FHIT: variants seen among roughly 807,000 people sequenced by gnomAD.
FHIT encodes fragile histidine triad diadenosine triphosphatase, also known as bis(5'-adenosyl)-triphosphatase.
In FHIT, 19 loss-of-function variants were observed where a neutral mutation model predicts 17.9. The ratio of observed to expected loss-of-function variants is 1.06; its 90% CI spans 0.74 to 1.56. The LOEUF is 1.56. Among genes scored for constraint, FHIT ranks in the 40% most tolerant of loss-of-function variants. FHIT has a pLI of 0.00. For missense variants in FHIT, 248 were observed against 189.2 expected (o/e 1.31, Z -1.82); for synonymous variants, 81 against 69.7 (o/e 1.16, Z -0.81).
chr3:60,978,959 C>A (rs1225939533), intron 3 of FHIT, among the ~76,000 whole-genome samples: 1 of 152,178 alleles, frequency 6.6e-6, no homozygotes, highest in Non-Finnish European at 1.5e-5. Flanking sequence ...TCCAGAAATT[C>A]ATTCTCTGAT....
intron 5 of FHIT, among the ~76,000 whole-genome samples, chr3:60,325,660 CTACAG>C: frequency 6.6e-6 from 1 of 152,102 alleles, no homozygotes; most frequent in South Asian, 2.1e-4. Context: ...AGCTAAATTT[CTACAG>C]TACAAGACAT....
chr3:60,702,823 G>A (rs1488280624), intron 4 of FHIT, among the ~76,000 whole-genome samples: 1 of 152,072 alleles, frequency 6.6e-6, no homozygotes, highest in Non-Finnish European at 1.5e-5. Flanking sequence ...ATATTTTACT[G>A]TTTAATGTAA....
chr3:60,264,768 G>A (rs1706484789), intron 5 of FHIT, among the ~76,000 whole-genome samples: 1 of 151,834 alleles, frequency 6.6e-6, no homozygotes. Flanking sequence ...TCAAAACCAT[G>A]TACTCATTAA....
chr3:59,899,194 G>A (rs1442729456), intron 8 of FHIT, among the ~76,000 whole-genome samples: 1 of 152,188 alleles, frequency 6.6e-6, no homozygotes, highest in Non-Finnish European at 1.5e-5. Context: ...TCAGAAATAA[G>A]AGCTGACATT....
At chr3:59,919,477 A>G (rs772063306) in intron 8 of FHIT, among the ~76,000 whole-genome samples, 1 of 152,120 alleles carries the variant, frequency 6.6e-6, no homozygotes, top group South Asian at 2.1e-4. Flanking sequence ...TCTTCCCTCT[A>G]CAAGTCTTCC....
At chr3:60,238,323 C>G (rs969022899) in intron 5 of FHIT, among the ~76,000 whole-genome samples, 1 of 151,368 alleles carries the variant, frequency 6.6e-6, no homozygotes, top group African/African-American at 2.4e-5. Context: ...ACTGTACTTA[C>G]TCTATCTTAG....
chr3:60,559,832 TC>T (rs2036872867), intron 4 of FHIT, among the ~76,000 whole-genome samples: 1 of 152,184 alleles, frequency 6.6e-6, no homozygotes, highest in Non-Finnish European at 1.5e-5. Flanking sequence ...TTTCTCAAAC[TC>T]CCCTTTAACT....
rs1560043330 is a variant in FHIT, at chr3:61,177,191, GAA to G, written c.-164+23424_-164+23425del. 8.7e-5 allele frequency among the ~76,000 whole-genome samples: 4 copies of G among 46,100 alleles called. No homozygotes were observed. The East Asian group carries it at 0.023, about 270-fold the overall frequency. 30.2% of individuals were successfully genotyped at this position (46,100 alleles called of 152,430 possible). On this transcript the variant is annotated intron_variant, in intron 2 of 9. Transcript: ENST00000492590. ...GACTCCATCTCAAAAAAAAAAAAAA[GAA>G]AAAGAAAGAGAACCAAATCATTTCA...
At chr3:60,779,590 T>A (rs1700315723) in intron 4 of FHIT, among the ~76,000 whole-genome samples, 1 of 152,146 alleles carries the variant, frequency 6.6e-6, no homozygotes, top group South Asian at 2.1e-4. Flanking sequence ...TCACAAGACA[T>A]CCTTTTCTCT....
intron 5 of FHIT, among the ~76,000 whole-genome samples, chr3:60,521,529 G>A (rs151747): frequency 0.16 from 25,029 of 152,134 alleles, 2,145 homozygotes; most frequent in East Asian, 0.27. Context: ...TTACAGGCAT[G>A]AGCCACTGTG....
chr3:60,133,003 C>G (rs56339134), intron 5 of FHIT, among the ~76,000 whole-genome samples: 66,386 of 151,890 alleles, frequency 0.44, 14,869 homozygotes, highest in Middle Eastern at 0.51. Context: ...CTACCCAATA[C>G]AGATTTAAAT....
At chr3:60,066,443 A>C (rs1433203912) in intron 5 of FHIT, among the ~76,000 whole-genome samples, 1 of 152,028 alleles carries the variant, frequency 6.6e-6, no homozygotes, top group East Asian at 1.9e-4. Context: ...CCATGCATGC[A>C]TTATATTCTC....
At chr3:59,822,142 T>G (rs1700815129) in intron 8 of FHIT, among the ~76,000 whole-genome samples, 1 of 152,226 alleles carries the variant, frequency 6.6e-6, no homozygotes, top group African/African-American at 2.4e-5. Flanking sequence ...TTCCTTTTTA[T>G]AGCCAAGCAG....
At chr3:59,906,561 T>C (rs1704594144) in intron 8 of FHIT, among the ~76,000 whole-genome samples, 1 of 152,132 alleles carries the variant, frequency 6.6e-6, no homozygotes. Context: ...TTCTGTGGAG[T>C]TGGTTCCTGG....
At chr3:60,955,347 A>C (rs904628676) in intron 3 of FHIT, among the ~76,000 whole-genome samples, 3 of 152,032 alleles carry the variant, frequency 2.0e-5, no homozygotes, top group Non-Finnish European at 2.9e-5. Context: ...AGTGTGCCTC[A>C]GTAAGTGGGT....
chr3:61,084,265 A>G (rs2035238198), intron 2 of FHIT, among the ~76,000 whole-genome samples: 1 of 152,192 alleles, frequency 6.6e-6, no homozygotes, highest in Non-Finnish European at 1.5e-5. Flanking sequence ...CTGTTCCATT[A>G]ATCTATTGCT....
intron 2 of FHIT, among the ~76,000 whole-genome samples, chr3:61,062,996 G>T (rs530866380): frequency 6.6e-6 from 1 of 151,908 alleles, no homozygotes; most frequent in Non-Finnish European, 1.5e-5. Flanking sequence ...CATCATCTTC[G>T]TCAAGATTAG....
intron 2 of FHIT, among the ~76,000 whole-genome samples, chr3:61,105,144 T>C (rs2035952908): frequency 6.6e-6 from 1 of 152,162 alleles, no homozygotes; most frequent in Admixed American, 6.5e-5. Context: ...GAAGGCACTC[T>C]GGTTTTTTGA....
chr3:59,978,045 AT>A (rs1435621645), intron 7 of FHIT, among the ~76,000 whole-genome samples: 1 of 152,182 alleles, frequency 6.6e-6, no homozygotes, highest in Non-Finnish European at 1.5e-5. Flanking sequence ...ACACTATGCT[AT>A]GTATGGGCTG....
Sources: allele counts gnomAD v4.1 joint callset (sites outside exome capture counted in the v4.1 genomes callset), GRCh38; gene constraint gnomAD v4.1.1; transcripts MANE v1.5; gene names NCBI Gene and HGNC (gene_info 2026-07-23, HGNC 2026-07-21).